The following MBTPS1 variants were observed in gnomAD, a reference collection of about 807,000 sequenced individuals.
The protein encoded by MBTPS1 is membrane bound transcription factor peptidase, site 1.
MBTPS1 carries 94 observed loss-of-function variants against 127.8 expected under a neutral mutation model. That is an observed-to-expected ratio of 0.74 (90% CI 0.62 to 0.87). The LOEUF (loss-of-function observed/expected upper bound fraction) is 0.87, where lower values mean the gene tolerates loss of function less well. Ranked by LOEUF, MBTPS1 falls within the 40% of genes least tolerant of loss-of-function variation. The pLI is 0.00. For missense variants in MBTPS1, 1,636 were observed against 1,353.2 expected (o/e 1.21, Z -3.28); for synonymous variants, 632 against 509.4 (o/e 1.24, Z -3.24).
intron 10 of MBTPS1, among the ~76,000 whole-genome samples, chr16:84,083,174 G>A (rs1389201048): frequency 1.3e-5 from 2 of 152,172 alleles, no homozygotes; most frequent in Non-Finnish European, 2.9e-5. Flanking sequence ...TCTGTTTCCA[G>A]AATCAACAAC....
chr16:84,066,598 C>T lies in MBTPS1; in HGVS notation c.2244G>A (p.Pro748=), dbSNP rs569766397. The change falls in exon 17 of 23, where the codon CCG becomes CCA. Residue 748 remains proline, a synonymous_variant. Coordinates refer to ENST00000343411, the MANE Select transcript of MBTPS1 (RefSeq NM_003791.4). ...CTGGGATGTTAGCTCCTCCGGTATC[C>T]GGCATCCACCACTGCCTGGGAAAGT... ...YDENTRQWWM[P]DTGGANIPAL... is the part of the protein sequence containing the mutation. 5.3e-5 allele frequency: 86 copies of T among 1,614,012 alleles called. No individual in the cohort carries two copies. Among genetic ancestry groups the T allele is most frequent in the Admixed American group, 4.8e-4 (29 of 60,012 alleles).
chr16:84,072,260 G>C (rs1420748409), intron 12 of MBTPS1: 1 of 152,278 alleles, frequency 6.6e-6, no homozygotes, highest in African/African-American at 2.4e-5. Context: ...GAGAAGTCCA[G>C]AACAGGCAAG....
intron 10 of MBTPS1, among the ~76,000 whole-genome samples, chr16:84,084,706 A>T (rs1355033518): frequency 6.6e-6 from 1 of 152,256 alleles, no homozygotes. Flanking sequence ...GGATATTAGA[A>T]AACAGAACAC....
chr16:84,081,733 G>A lies in MBTPS1; in HGVS notation c.1448+14C>T, dbSNP rs2085943202. 2 of 1,354,234 alleles carry A rather than the reference G, an allele frequency of 1.5e-6. No homozygotes were observed. Among genetic ancestry groups the A allele is most frequent in the Non-Finnish European group, 9.6e-7 (1 of 1,041,560 alleles). 83.9% of individuals were successfully genotyped at this position (1,354,234 alleles called of 1,614,324 possible). A position where few individuals can be genotyped will look rare whatever the true frequency, so the allele number is the denominator to read the frequency against. ...GAAGGAGAGAAAGACCCATCGGCAG[G>A]GCGGTGCACTGACCTTGCCTGTGGC... is the stretch of plus-strand genomic sequence containing the variant. On this transcript the variant is annotated intron_variant, in intron 11 of 22. Coordinates refer to ENST00000343411, the MANE Select transcript of MBTPS1 (RefSeq NM_003791.4).
At chr16:84,057,256 A>C (rs547966142) in intron 21 of MBTPS1, 1 of 152,262 alleles carries the variant, frequency 6.6e-6, no homozygotes, top group Non-Finnish European at 1.5e-5. Context: ...CTTCAGGCTT[A>C]ATCAGTCTGA....
intron 9 of MBTPS1, among the ~76,000 whole-genome samples, chr16:84,086,907 T>C (rs1178445328): frequency 6.6e-6 from 1 of 152,172 alleles, no homozygotes; most frequent in Non-Finnish European, 1.5e-5. Flanking sequence ...CTAAATACAA[T>C]TGTTTCTGTG....
At chr16:84,094,835 C>G (rs184773838) in intron 4 of MBTPS1, among the ~76,000 whole-genome samples, 2 of 152,172 alleles carry the variant, frequency 1.3e-5, no homozygotes, top group East Asian at 3.9e-4. Flanking sequence ...GTTGAAGTAT[C>G]TCAGATATTT....
At chr16:84,068,833 C>T (rs1307091069) in intron 14 of MBTPS1, among the ~76,000 whole-genome samples, 1 of 152,252 alleles carries the variant, frequency 6.6e-6, no homozygotes, top group East Asian at 1.9e-4. Context: ...GACGCTGGAA[C>T]AAGCCACGCA....
At position 84,085,050 on chromosome 16, in the gene MBTPS1, AC is replaced by A; in HGVS notation, c.1218del (p.Cys407AlafsTer21). 1 of 1,613,734 alleles carries A rather than the reference AC, an allele frequency of 6.2e-7. No individual in the cohort carries two copies. Among genetic ancestry groups the A allele is most frequent in the Non-Finnish European group, 8.5e-7 (1 of 1,179,914 alleles). On this transcript the variant is annotated frameshift_variant, in exon 10 of 23. Coordinates refer to ENST00000343411, the MANE Select transcript of MBTPS1 (RefSeq NM_003791.4). LOFTEE classifies it high-confidence loss of function. ...ACACTGGTCCCTGAGAGGGCCCGGC[AC>A]CCCCCTTTCACGCCAGAACCCCGCA... ...AGVRGSGVKG[G>X]CRALSGTSVA...
At chr16:84,113,230 AG>A (rs2086423236) in intron 1 of MBTPS1, among the ~76,000 whole-genome samples, 1 of 152,218 alleles carries the variant, frequency 6.6e-6, no homozygotes, top group South Asian at 2.1e-4. Context: ...CACTTAACTT[AG>A]AGAGCCTACT....
At chr16:84,064,358 C>T (rs1443782993) in intron 18 of MBTPS1, among the ~76,000 whole-genome samples, 3 of 152,132 alleles carry the variant, frequency 2.0e-5, no homozygotes, top group African/African-American at 7.2e-5. Flanking sequence ...CATTCACCGC[C>T]ATTTGCCTTG....
intron 8 of MBTPS1, among the ~76,000 whole-genome samples, chr16:84,088,722 G>A (rs962078181): frequency 7.2e-5 from 11 of 152,032 alleles, no homozygotes; most frequent in African/African-American, 2.2e-4. Flanking sequence ...AAAGGGGACC[G>A]GAGGATGTGT....
chr16:84,112,667 A>C (rs1037815587), intron 1 of MBTPS1, among the ~76,000 whole-genome samples: 34 of 149,772 alleles, frequency 2.3e-4, no homozygotes, highest in African/African-American at 8.3e-4. Flanking sequence ...GTCTCAAAAA[A>C]AACAAAAAAA....
At chr16:84,116,588 G>C (rs2086483165) in intron 1 of MBTPS1, 147 bp downstream of exon 1, 1 of 152,210 alleles carries the variant, frequency 6.6e-6, no homozygotes, top group South Asian at 2.1e-4. Flanking sequence ...ACAAGCGCCG[G>C]AGGCCCCGCG....
intron 22 of MBTPS1, 64 bp from the exon 23 acceptor site, chr16:84,054,709 T>A: frequency 7.7e-7 from 1 of 1,293,338 alleles, no homozygotes; most frequent in Non-Finnish European, 1.1e-6. Context: ...GGCCTTTTTC[T>A]ATGACGGCTG....
rs551849621 is a variant in MBTPS1 at position 84,078,738 on chromosome 16, G to A, written c.1448+3009C>T. 2.6e-5 allele frequency among the ~76,000 whole-genome samples: 4 copies of A among 152,320 alleles called. No individual in the cohort carries two copies. In the South Asian group the frequency reaches 8.3e-4, roughly 32 times the overall value. ...AAAAGGAGAATCTCTACGCACTGACGTGGAGAGATTTCCAGGACGTTAAGT... is the reference window on the plus strand; with the variant it reads ...AAAAGGAGAATCTCTACGCACTGACATGGAGAGATTTCCAGGACGTTAAGT... On this transcript the variant is annotated intron_variant, in intron 11 of 22. Coordinates refer to ENST00000343411, the MANE Select transcript of MBTPS1 (RefSeq NM_003791.4).
chr16:84,067,951 T>A (rs1415731362), intron 15 of MBTPS1, 128 bp from the exon 16 acceptor site: 2 of 804,014 alleles, frequency 2.5e-6, no homozygotes, highest in Non-Finnish European at 3.9e-6. Context: ...TGTGCCACCC[T>A]GTACCACTTT....
intron 17 of MBTPS1, 138 bp from the exon 18 acceptor site, chr16:84,065,905 G>T: frequency 3.8e-6 from 2 of 529,774 alleles, no homozygotes; most frequent in East Asian, 3.3e-5. Flanking sequence ...GGGAGGAGCT[G>T]CTATTGCCTT....
At chr16:84,061,978 G>T (rs901327754) in intron 19 of MBTPS1, among the ~76,000 whole-genome samples, 2 of 152,156 alleles carry the variant, frequency 1.3e-5, no homozygotes, top group Non-Finnish European at 2.9e-5. Flanking sequence ...CATTTTAAAT[G>T]TAAGGCCTAG....
Sources: allele counts gnomAD v4.1 joint callset (sites outside exome capture counted in the v4.1 genomes callset), GRCh38; gene constraint gnomAD v4.1.1; transcripts MANE v1.5; gene names NCBI Gene and HGNC (gene_info 2026-07-23, HGNC 2026-07-21).